Variants in FOXO3 observed in about 807,000 individuals in gnomAD.
FOXO3 encodes the protein forkhead box protein O3.
Under a neutral mutation model 41.9 loss-of-function variants are expected in FOXO3, and 4 were observed. The observed-to-expected ratio is 0.10, with a 90% CI of 0.05 to 0.22. The LOEUF (loss-of-function observed/expected upper bound fraction) is 0.22, where lower values mean the gene tolerates loss of function less well. FOXO3 is among the 10% of genes least tolerant of loss of function. The pLI is 1.00. For missense variants in FOXO3, 534 were observed against 906.8 expected (o/e 0.59, Z 5.28); for synonymous variants, 318 against 389.3 (o/e 0.82, Z 2.16).
intron 1 of FOXO3, among the ~76,000 whole-genome samples, chr6:108,597,230 A>G (rs1049401730): frequency 6.6e-6 from 1 of 152,228 alleles, no homozygotes; most frequent in Non-Finnish European, 1.5e-5. Context: ...GATGAGAAAG[A>G]GAGCCAGACC....
At chr6:108,659,255 T>A (rs1778778211) in intron 1 of FOXO3, among the ~76,000 whole-genome samples, 1 of 152,206 alleles carries the variant, frequency 6.6e-6, no homozygotes, top group South Asian at 2.1e-4. Context: ...CCGTAACTAT[T>A]TCATAAACAA....
At chr6:108,631,457 C>G (rs1777970886) in intron 1 of FOXO3, among the ~76,000 whole-genome samples, 1 of 152,138 alleles carries the variant, frequency 6.6e-6, no homozygotes, top group Non-Finnish European at 1.5e-5. Flanking sequence ...ATATGCAATT[C>G]TGCATATGGC....
intron 1 of FOXO3, among the ~76,000 whole-genome samples, chr6:108,568,866 A>AT (rs1364528978): frequency 2.0e-5 from 3 of 152,134 alleles, no homozygotes; most frequent in Non-Finnish European, 4.4e-5. Context: ...TGAAAACTCC[A>AT]TAAGTGTCCA....
chr6:108,585,962 G>A (rs1776569842), intron 1 of FOXO3, among the ~76,000 whole-genome samples: 1 of 152,106 alleles, frequency 6.6e-6, no homozygotes, highest in African/African-American at 2.4e-5. Flanking sequence ...CCTAAGGTCG[G>A]CTTCTACCAC....
intron 2 of FOXO3, among the ~76,000 whole-genome samples, chr6:108,671,641 G>A (rs1330025395): frequency 2.0e-5 from 3 of 152,168 alleles, no homozygotes; most frequent in African/African-American, 7.2e-5. Flanking sequence ...AATGTTTATT[G>A]TGATTTAAAA....
chr6:108,672,052 C>T (rs985087484), intron 2 of FOXO3, among the ~76,000 whole-genome samples: 4 of 152,208 alleles, frequency 2.6e-5, no homozygotes, highest in Non-Finnish European at 4.4e-5. Flanking sequence ...AGATGCCCCA[C>T]CCTGCTCTTT....
intron 1 of FOXO3, among the ~76,000 whole-genome samples, chr6:108,580,932 A>G (rs1276239357): frequency 6.6e-6 from 1 of 152,192 alleles, no homozygotes; most frequent in Non-Finnish European, 1.5e-5. Context: ...TCCAGGCTCT[A>G]GAGCAGATGT....
intron 1 of FOXO3, among the ~76,000 whole-genome samples, chr6:108,625,944 G>C (rs548877966): frequency 3.3e-4 from 51 of 152,294 alleles, no homozygotes; most frequent in African/African-American, 1.0e-3. Flanking sequence ...CTTTGACTTA[G>C]AATTGTGTCT....
intron 1 of FOXO3, among the ~76,000 whole-genome samples, chr6:108,563,880 T>C (rs1289561162): frequency 2.6e-5 from 4 of 152,062 alleles, no homozygotes; most frequent in Admixed American, 2.0e-4. Context: ...TTTCATATAG[T>C]TTGTAGGACT....
chr6:108,672,615 A>G (rs1169492390), intron 2 of FOXO3, among the ~76,000 whole-genome samples: 1 of 152,200 alleles, frequency 6.6e-6, no homozygotes, highest in Non-Finnish European at 1.5e-5. Flanking sequence ...TCACTTAGTC[A>G]CGAAGTCTCA....
rs763772196 is a variant in FOXO3 at position 108,663,628 on chromosome 6, C to T, written c.795C>T (p.Gly265=). The change falls in exon 2 of 3, where the codon GGC becomes GGT. Residue 265 remains glycine (G), a synonymous_variant. Coordinates refer to ENST00000406360, the MANE Select transcript of FOXO3 (RefSeq NM_001455.4). ...DNSNKYTKSR[G]RAAKKKAALQ... ...GCAACAAGTATACCAAGAGCCGTGG[C>T]CGCGCAGCCAAGAAGAAGGCAGCCC... The T allele has an allele frequency of 7.4e-6, 12 of 1,613,450 alleles. No individual in the cohort carries two copies. In the African/African-American group the frequency reaches 1.5e-4, roughly 20 times the overall value.
At chr6:108,610,512 C>CT (rs1777330625) in intron 1 of FOXO3, among the ~76,000 whole-genome samples, 1 of 152,174 alleles carries the variant, frequency 6.6e-6, no homozygotes, top group Non-Finnish European at 1.5e-5. Flanking sequence ...GTGGAGCTTT[C>CT]TGAGTTTTGT....
chr6:108,612,337 T>G (rs1343123869), intron 1 of FOXO3, among the ~76,000 whole-genome samples: 2 of 152,218 alleles, frequency 1.3e-5, no homozygotes, highest in Non-Finnish European at 2.9e-5. Flanking sequence ...TGTAATACCC[T>G]TTTTGTAGAG....
intron 1 of FOXO3, among the ~76,000 whole-genome samples, chr6:108,562,724 C>T (rs998252320): frequency 4.1e-4 from 62 of 152,130 alleles, no homozygotes; most frequent in African/African-American, 1.4e-3. Flanking sequence ...GACTCTCTAC[C>T]GTTCCTTATC....
chr6:108,563,331 G>T (rs973997609), intron 1 of FOXO3, among the ~76,000 whole-genome samples: 4 of 152,186 alleles, frequency 2.6e-5, no homozygotes, highest in Admixed American at 6.5e-5. Context: ...TTTAACAAAT[G>T]CTTACATTAT....
rs1356817166 is a variant in FOXO3, at chr6:108,666,718, G to A, written c.*34+1829G>A. Among the ~76,000 whole-genome samples, 21 of 151,988 alleles carry A rather than the reference G, an allele frequency of 1.4e-4. No individual in the cohort carries two copies. The South Asian group carries it at 3.9e-3, about 29-fold the overall frequency. On this transcript the variant is annotated intron_variant, in intron 2 of 2. Transcript: ENST00000406360. The stretch of plus-strand genomic sequence containing the variant: ...CTCTCTAGCTGGTTAGAAAAAAAGC[G>A]GGGAGGGGAGGGAAGTGCCCTGAAC...
Position 108,569,695 on chromosome 6 carries a change from C to T in FOXO3, c.621+7866C>T, listed in dbSNP as rs933667205. Reference sequence around the variant, plus strand: ...AGGAGGCCAGGTTATCTTCTGGAGGCTCACCACACCTTGGTGTCCAGATGT... The same window carrying T: ...AGGAGGCCAGGTTATCTTCTGGAGGTTCACCACACCTTGGTGTCCAGATGT... On this transcript the variant is annotated intron_variant, in intron 1 of 2. Transcript: ENST00000406360. 6.6e-5 allele frequency among the ~76,000 whole-genome samples: 10 copies of T among 152,198 alleles called. No individual in the cohort carries two copies. The Middle Eastern group carries it at 0.01, about 155-fold the overall frequency.
At chr6:108,581,039 G>A (rs985848568) in intron 1 of FOXO3, among the ~76,000 whole-genome samples, 1 of 152,200 alleles carries the variant, frequency 6.6e-6, no homozygotes, top group Admixed American at 6.5e-5. Flanking sequence ...CTTTCCTGTA[G>A]TCATTGCTTT....
At chr6:108,597,825 A>T (rs1776928912) in intron 1 of FOXO3, among the ~76,000 whole-genome samples, 1 of 152,194 alleles carries the variant, frequency 6.6e-6, no homozygotes. Flanking sequence ...TGTAATAAGC[A>T]CTTAGGTCTG....
Sources: gnomAD v4.1 joint callset for allele counts (sites outside exome capture counted in the v4.1 genomes callset) on GRCh38, gnomAD v4.1.1 for gene constraint, MANE v1.5 for transcripts, NCBI Gene and HGNC (gene_info 2026-07-23, HGNC 2026-07-21) for gene names.